Variants in ADK observed in about 807,000 individuals in gnomAD.
ADK encodes N6,N6-dimethyladenosine kinase.
In ADK, 24 loss-of-function variants were observed where a neutral mutation model predicts 44.7. The observed-to-expected ratio is 0.54, with a 90% CI of 0.39 to 0.76. The LOEUF (loss-of-function observed/expected upper bound fraction) is 0.76. ADK is among the 30% of genes least tolerant of loss of function. ADK has a pLI of 0.00. For synonymous variants in ADK, 128 were observed against 142.6 expected (o/e 0.90, Z 0.73); for missense variants, 321 against 425.1 (o/e 0.76, Z 2.15).
intron 1 of ADK, among the ~76,000 whole-genome samples, chr10:74,187,347 A>G (rs1024877469): frequency 6.6e-6 from 1 of 152,222 alleles, no homozygotes; most frequent in Non-Finnish European, 1.5e-5. Flanking sequence ...GCTATTATGA[A>G]CAATGGTGCT....
chr10:74,431,867 C>T (rs1407551848), intron 6 of ADK, among the ~76,000 whole-genome samples: 1 of 151,706 alleles, frequency 6.6e-6, no homozygotes, highest in Non-Finnish European at 1.5e-5. Flanking sequence ...AAATTAAATT[C>T]CATAGACAAA....
At chr10:74,629,066 G>A (rs932421408) in intron 9 of ADK, among the ~76,000 whole-genome samples, 1 of 151,898 alleles carries the variant, frequency 6.6e-6, no homozygotes, top group African/African-American at 2.4e-5. Context: ...TAAAGAGACT[G>A]TCTCCCAGGC....
At chr10:74,434,985 A>G (rs545843189) in intron 6 of ADK, among the ~76,000 whole-genome samples, 2 of 152,326 alleles carry the variant, frequency 1.3e-5, no homozygotes, top group African/African-American at 2.4e-5. Flanking sequence ...ATATGGGTCT[A>G]TGTTGGACTA....
At chr10:74,587,061 T>C (rs1220965384) in intron 7 of ADK, among the ~76,000 whole-genome samples, 1 of 152,140 alleles carries the variant, frequency 6.6e-6, no homozygotes, top group African/African-American at 2.4e-5. Context: ...CTTTGAACTT[T>C]GTCTTACAGT....
chr10:74,635,272 A>G (rs913986540), intron 9 of ADK, among the ~76,000 whole-genome samples: 1 of 152,242 alleles, frequency 6.6e-6, no homozygotes, highest in East Asian at 1.9e-4. Flanking sequence ...GGGAAATTAT[A>G]TGAACAACTA....
At chr10:74,207,179 C>T (rs1843634949) in intron 2 of ADK, among the ~76,000 whole-genome samples, 1 of 152,156 alleles carries the variant, frequency 6.6e-6, no homozygotes, top group African/African-American at 2.4e-5. Flanking sequence ...GTGGCTTCCA[C>T]TGTAGGAACC....
At position 74,398,468 on chromosome 10, in the gene ADK, T is replaced by C. The variant is rs1843595401; in HGVS notation, c.447-3T>C. ...TTACTTGCTTATTCTTTGGTTGTTT[T>C]AGGTCCCTCATAGCTAATCTTGCTG... On this transcript the variant is annotated splice_region_variant and splice_polypyrimidine_tract_variant and intron_variant, in intron 5 of 10. Coordinates refer to ENST00000539909, the MANE Select transcript of ADK (RefSeq NM_006721.4). 4.4e-6 allele frequency: 7 copies of C among 1,596,682 alleles called. No individual in the cohort carries two copies. The highest frequency in any genetic ancestry group is 6.0e-6 in the Non-Finnish European group (7 of 1,165,154).
intron 4 of ADK, among the ~76,000 whole-genome samples, chr10:74,328,589 GT>G (rs1841100269): frequency 6.6e-6 from 1 of 152,108 alleles, no homozygotes; most frequent in Non-Finnish European, 1.5e-5. Context: ...CATGGGGGTG[GT>G]TTCCCCCATG....
At chr10:74,653,443 C>T (rs746486814) in intron 9 of ADK, among the ~76,000 whole-genome samples, 1 of 152,102 alleles carries the variant, frequency 6.6e-6, no homozygotes, top group Non-Finnish European at 1.5e-5. Context: ...CAGAGCAAGA[C>T]TCCATCTCAA....
At chr10:74,450,870 TTAAC>T (rs1198335758) in intron 6 of ADK, among the ~76,000 whole-genome samples, 2 of 152,096 alleles carry the variant, frequency 1.3e-5, no homozygotes, top group African/African-American at 4.8e-5. Flanking sequence ...GATTAATTAA[TTAAC>T]TATACTATCT....
chr10:74,209,909 CA>C lies in ADK; in HGVS notation c.140+9072del, dbSNP rs200036915. Among the ~76,000 whole-genome samples the C allele has an allele frequency of 6.1e-4, 93 of 152,038 alleles. 2 individuals carry two copies. The East Asian group carries it at 0.017, about 27-fold the overall frequency. Reference sequence around the variant, plus strand: ...TATGTATTAATAGGGATGAAAAAGGCAGGGAAGGAATGTGTAAGGTAGGTTT... The same window carrying C: ...TATGTATTAATAGGGATGAAAAAGGCGGGAAGGAATGTGTAAGGTAGGTTT... On this transcript the variant is annotated intron_variant, in intron 2 of 10. Coordinates refer to ENST00000539909, the MANE Select transcript of ADK (RefSeq NM_006721.4).
intron 4 of ADK, among the ~76,000 whole-genome samples, chr10:74,381,130 A>G (rs1842965883): frequency 6.6e-6 from 1 of 152,218 alleles, no homozygotes; most frequent in Non-Finnish European, 1.5e-5. Flanking sequence ...TCAAGTTAAA[A>G]AAAATCTGTT....
intron 6 of ADK, among the ~76,000 whole-genome samples, chr10:74,462,406 G>GAGAAAAAA: frequency 6.6e-6 from 1 of 152,112 alleles, no homozygotes; most frequent in Middle Eastern, 3.4e-3. Context: ...TCAACCTACA[G>GAGAAAAAA]AGAAAAAAAG....
rs554692955 is a variant in ADK at position 74,664,888 on chromosome 10, A to C, written c.878-5295A>C. Among the ~76,000 whole-genome samples the C allele has an allele frequency of 3.3e-5, 5 of 152,328 alleles. No homozygotes were observed. In the East Asian group the frequency reaches 9.6e-4, roughly 29 times the overall value. On this transcript the variant is annotated intron_variant, in intron 9 of 10. Coordinates refer to ENST00000539909, the MANE Select transcript of ADK (RefSeq NM_006721.4). ...GATTCTGGACTGAATTCTATACCAG[A>C]TGAAAAATATTGCTATAAAATACAT...
intron 4 of ADK, among the ~76,000 whole-genome samples, chr10:74,365,013 C>G (rs1291954078): frequency 1.3e-5 from 2 of 152,084 alleles, no homozygotes; most frequent in Non-Finnish European, 2.9e-5. Context: ...CTACTGAAAA[C>G]CCTACTAAGA....
chr10:74,179,387 A>G (rs1002112266), intron 1 of ADK, among the ~76,000 whole-genome samples: 9 of 152,168 alleles, frequency 5.9e-5, no homozygotes, highest in African/African-American at 2.2e-4. Flanking sequence ...CTAGGAGGTT[A>G]GGCATTCTTA....
chr10:74,190,902 C>CT (rs1346832639), intron 1 of ADK, among the ~76,000 whole-genome samples: 1 of 150,370 alleles, frequency 6.7e-6, no homozygotes, highest in Non-Finnish European at 1.5e-5. Flanking sequence ...ATGCAGCCAT[C>CT]TTTTTTTGAA....
At chr10:74,596,602 G>A (rs1392513518) in intron 8 of ADK, among the ~76,000 whole-genome samples, 1 of 151,722 alleles carries the variant, frequency 6.6e-6, no homozygotes, top group African/African-American at 2.4e-5. Context: ...CTGGAGTGCA[G>A]TGGCGTGATC....
intron 3 of ADK, among the ~76,000 whole-genome samples, chr10:74,251,901 T>TC (rs1202877401): frequency 6.8e-6 from 1 of 147,260 alleles, no homozygotes; most frequent in Admixed American, 6.8e-5. Context: ...ATACTTTTTT[T>TC]TTTTTTTTTT....
Sources: allele counts gnomAD v4.1 joint callset (sites outside exome capture counted in the v4.1 genomes callset), GRCh38; gene constraint gnomAD v4.1.1; transcripts MANE v1.5; gene names NCBI Gene and HGNC (gene_info 2026-07-23, HGNC 2026-07-21).